The following SGCZ variants were observed in gnomAD, a reference collection of about 807,000 sequenced individuals.
The protein encoded by SGCZ is sarcoglycan zeta, also known as zeta-sarcoglycan.
A neutral mutation model predicts 41.3 loss-of-function variants in SGCZ; 40 were observed. That is an observed-to-expected ratio of 0.97 (90% CI 0.75 to 1.26). The LOEUF is 1.26. Ranked by LOEUF, SGCZ falls within the 50% of genes most tolerant of loss-of-function variation. The pLI is 0.00. For synonymous variants in SGCZ, 206 were observed against 137.5 expected, an observed-to-expected ratio of 1.50 and a Z score of -3.49; for missense variants, 552 against 369.8, an observed-to-expected ratio of 1.49 and a Z score of -4.04.
At chr8:14,352,319 G>T (rs1318667886) in intron 2 of SGCZ, among the ~76,000 whole-genome samples, 3 of 152,058 alleles carry the variant, frequency 2.0e-5, no homozygotes, top group Non-Finnish European at 4.4e-5. Flanking sequence ...GGAGTAGAGT[G>T]TAAGGATGAT....
chr8:14,178,036 C>A (rs1337020330), intron 4 of SGCZ, among the ~76,000 whole-genome samples: 2 of 132,396 alleles, frequency 1.5e-5, no homozygotes, highest in Non-Finnish European at 3.1e-5. Flanking sequence ...CGGCTCACTG[C>A]GACCTCTGCC....
intron 1 of SGCZ, among the ~76,000 whole-genome samples, chr8:14,631,020 T>TA (rs199514615): frequency 2.6e-5 from 4 of 151,624 alleles, no homozygotes; most frequent in African/African-American, 4.8e-5. Context: ...TAAAGTATAA[T>TA]AAAAAAATAA....
intron 3 of SGCZ, among the ~76,000 whole-genome samples, chr8:14,261,398 T>G (rs1799660985): frequency 6.6e-6 from 1 of 152,198 alleles, no homozygotes; most frequent in South Asian, 2.1e-4. Context: ...ACAGTTTATG[T>G]TCTTGTTGTT....
intron 1 of SGCZ, among the ~76,000 whole-genome samples, chr8:14,694,713 C>A (rs1006564095): frequency 6.6e-6 from 1 of 152,196 alleles, no homozygotes; most frequent in African/African-American, 2.4e-5. Context: ...ACTGTCATTT[C>A]AATATACAGA....
intron 5 of SGCZ, among the ~76,000 whole-genome samples, chr8:14,158,991 A>T (rs989329618): frequency 6.6e-5 from 10 of 152,120 alleles, no homozygotes; most frequent in Admixed American, 3.3e-4. Flanking sequence ...CTGGTCTCAA[A>T]CTTCTGACCT....
intron 1 of SGCZ, among the ~76,000 whole-genome samples, chr8:14,623,893 C>G (rs1806363853): frequency 6.6e-6 from 1 of 152,116 alleles, no homozygotes; most frequent in South Asian, 2.1e-4. Context: ...GTACTCAATA[C>G]CCACTTCTGG....
At chr8:14,359,120 A>G (rs1304254574) in intron 2 of SGCZ, among the ~76,000 whole-genome samples, 1 of 148,534 alleles carries the variant, frequency 6.7e-6, no homozygotes, top group Non-Finnish European at 1.5e-5. Flanking sequence ...CAACCTAGAG[A>G]AACAAAGTAC....
In SGCZ at chr8:14,297,666, T is replaced by C; in HGVS notation, c.336+26437A>G. 1.3e-5 allele frequency among the ~76,000 whole-genome samples: 2 copies of C among 151,952 alleles called. 1 individual carries two copies. The highest frequency in any genetic ancestry group is 2.9e-5 in the Non-Finnish European group (2 of 67,946). On this transcript the variant is annotated intron_variant, in intron 3 of 7. Transcript: ENST00000382080. Reference sequence around the variant, plus strand: ...AATTAGGTGAAATGGAAAAATTCCTTGAAAAATAAAAACTACCAAAACCTA... The same window carrying C: ...AATTAGGTGAAATGGAAAAATTCCTCGAAAAATAAAAACTACCAAAACCTA...
intron 1 of SGCZ, among the ~76,000 whole-genome samples, chr8:14,793,912 T>C (rs1026485559): frequency 6.6e-6 from 1 of 152,090 alleles, no homozygotes; most frequent in East Asian, 1.9e-4. Flanking sequence ...AATGCAAAAT[T>C]CTAAAACTCT....
intron 2 of SGCZ, among the ~76,000 whole-genome samples, chr8:14,362,238 T>A (rs1354211875): frequency 3.9e-5 from 6 of 152,116 alleles, no homozygotes; most frequent in Non-Finnish European, 8.8e-5. Context: ...GCAGGGACAT[T>A]TAAGTCTGCA....
In SGCZ at chr8:14,309,803, G is replaced by A. The variant is rs1801469030; in HGVS notation, c.336+14300C>T. 1.3e-5 allele frequency: 18 copies of A among 1,428,340 alleles called. No homozygotes were observed. In the Admixed American group the frequency reaches 3.4e-4, roughly 27 times the overall value. The allele number at this position is 1,428,340 out of a possible 1,614,324, so 88.5% of individuals were successfully genotyped here. A position where few individuals can be genotyped will look rare whatever the true frequency, so the allele number is the denominator to read the frequency against. ...TTCATTTCCATCTAAATGTTACTAA[G>A]GTATAAGAGAAGTCTCATTCGCCTT... On this transcript the variant is annotated intron_variant, in intron 3 of 7. Coordinates refer to ENST00000382080, the MANE Select transcript of SGCZ (RefSeq NM_139167.4).
At chr8:14,421,155 C>T (rs184197558) in intron 2 of SGCZ, among the ~76,000 whole-genome samples, 135 of 152,152 alleles carry the variant, frequency 8.9e-4, no homozygotes, top group African/African-American at 3.1e-3. Context: ...AGAATGCCTT[C>T]GTATGACCAG....
rs377711533 is a variant in SGCZ, at chr8:15,183,706, G to A, written c.39+53879C>T. On this transcript the variant is annotated intron_variant, in intron 1 of 7. Coordinates refer to ENST00000382080, the MANE Select transcript of SGCZ (RefSeq NM_139167.4). Reference sequence around the variant, plus strand: ...TTTACTTGCCATCTATGTTACTTATGAAAATATACCGGGATAGCTTTCCCA... The same window carrying A: ...TTTACTTGCCATCTATGTTACTTATAAAAATATACCGGGATAGCTTTCCCA... 1.3e-3 allele frequency among the ~76,000 whole-genome samples: 196 copies of A among 152,240 alleles called. 1 individual carries two copies. The East Asian group carries it at 0.018, about 14-fold the overall frequency.
intron 3 of SGCZ, among the ~76,000 whole-genome samples, chr8:14,268,235 A>T (rs1370184585): frequency 6.7e-6 from 1 of 149,276 alleles, no homozygotes; most frequent in Non-Finnish European, 1.5e-5. Context: ...ATATATGTAT[A>T]GAAATTATAT....
At chr8:14,490,734 T>C (rs1025373326) in intron 2 of SGCZ, among the ~76,000 whole-genome samples, 3 of 152,176 alleles carry the variant, frequency 2.0e-5, no homozygotes, top group Admixed American at 2.0e-4. Flanking sequence ...AATGCAAACA[T>C]ACCACTAAAA....
At position 14,397,709 on chromosome 8, in the gene SGCZ, G is replaced by C. The variant is rs77191772; in HGVS notation, c.235-73505C>G. ...GATTCAATATGAAGGGCAGGTGAAT[G>C]TATCTGAGATCTGAGGAAATCTTCC... On this transcript the variant is annotated intron_variant, in intron 2 of 7. Transcript: ENST00000382080. 1.4e-3 allele frequency among the ~76,000 whole-genome samples: 215 copies of C among 152,206 alleles called. 3 individuals are homozygous for C. The East Asian group carries it at 0.03, about 21-fold the overall frequency.
chr8:14,382,507 G>C (rs1361910610), intron 2 of SGCZ, among the ~76,000 whole-genome samples: 1 of 151,976 alleles, frequency 6.6e-6, no homozygotes, highest in Non-Finnish European at 1.5e-5. Context: ...TTATATATGA[G>C]TCAGCAACTC....
intron 2 of SGCZ, among the ~76,000 whole-genome samples, chr8:14,494,429 G>A (rs1801931543): frequency 6.6e-6 from 1 of 152,068 alleles, no homozygotes; most frequent in Non-Finnish European, 1.5e-5. Flanking sequence ...GAGAGAAGAA[G>A]AATGATATTT....
intron 2 of SGCZ, among the ~76,000 whole-genome samples, chr8:14,443,343 G>A (rs11984489): frequency 0.44 from 66,312 of 151,854 alleles, 14,755 homozygotes; most frequent in Admixed American, 0.48. Context: ...AAAAGAGCCC[G>A]CATCGCCAAG....
Sources: allele counts gnomAD v4.1 joint callset (sites outside exome capture counted in the v4.1 genomes callset), GRCh38; gene constraint gnomAD v4.1.1; transcripts MANE v1.5; gene names NCBI Gene and HGNC (gene_info 2026-07-23, HGNC 2026-07-21).